The following PPP1R9A variants were observed in gnomAD, a reference collection of about 807,000 sequenced individuals.
PPP1R9A encodes the protein neurabin-1.
In PPP1R9A, 59 loss-of-function variants were observed where a neutral mutation model predicts 141.9. The ratio of observed to expected loss-of-function variants is 0.42; its 90% CI spans 0.34 to 0.52. The LOEUF (loss-of-function observed/expected upper bound fraction) is 0.52, where lower values mean the gene tolerates loss of function less well. PPP1R9A is among the 20% of genes least tolerant of loss of function. The pLI is 0.10. For synonymous variants in PPP1R9A, 500 were observed against 569.7 expected (o/e 0.88, Z 1.74); for missense variants, 1,444 against 1,611.9 (o/e 0.90, Z 1.78).
At chr7:95,277,815 A>C (rs1022852598) in intron 16 of PPP1R9A, among the ~76,000 whole-genome samples, 1 of 152,260 alleles carries the variant, frequency 6.6e-6, no homozygotes, top group African/African-American at 2.4e-5. Context: ...TAAAATGTAT[A>C]CCAAAGGGTA....
chr7:95,027,513 A>G (rs1386390313), intron 2 of PPP1R9A, among the ~76,000 whole-genome samples: 1 of 152,190 alleles, frequency 6.6e-6, no homozygotes, highest in African/African-American at 2.4e-5. Flanking sequence ...GCTGCAGACC[A>G]TAGCTGTTCC....
intron 2 of PPP1R9A, among the ~76,000 whole-genome samples, chr7:94,970,364 T>C (rs988831046): frequency 3.9e-5 from 6 of 152,132 alleles, no homozygotes; most frequent in Non-Finnish European, 5.9e-5. Context: ...CGTTCCTCAC[T>C]CCACAGTCCC....
At chr7:95,217,805 T>C (rs1381028026) in intron 7 of PPP1R9A, among the ~76,000 whole-genome samples, 1 of 152,332 alleles carries the variant, frequency 6.6e-6, no homozygotes, top group East Asian at 1.9e-4. Context: ...TTCTGTGGGA[T>C]CAGTGGTGAT....
chr7:95,179,561 A>T (rs941570082), intron 5 of PPP1R9A, among the ~76,000 whole-genome samples: 1 of 152,106 alleles, frequency 6.6e-6, no homozygotes, highest in African/African-American at 2.4e-5. Flanking sequence ...ATCCAAATCC[A>T]TAAAGAGGAA....
At chr7:95,159,197 A>T (rs1830074350) in intron 4 of PPP1R9A, among the ~76,000 whole-genome samples, 1 of 152,230 alleles carries the variant, frequency 6.6e-6, no homozygotes, top group Non-Finnish European at 1.5e-5. Context: ...AGATGATACT[A>T]TATAGTTGTT....
At chr7:94,960,170 T>TC (rs5885895) in intron 2 of PPP1R9A, among the ~76,000 whole-genome samples, 1,854 of 134,540 alleles carry the variant, frequency 0.014, 40 homozygotes, top group African/African-American at 0.053. Flanking sequence ...TCTCTCTCTC[T>TC]TTTTTTTTTT....
In PPP1R9A at chr7:95,286,415, A is replaced by G. The variant is rs1338185833; in HGVS notation, c.3729+90A>G. On this transcript the variant is annotated intron_variant, in intron 18 of 19. Coordinates refer to ENST00000433360, the MANE Select transcript of PPP1R9A (RefSeq NM_001166160.2). ...CCAGGAAAATGTTTTTAGGGTAGATATTGCATAGAAATCATCAGGACTGTG... is the reference window on the plus strand; with the variant it reads ...CCAGGAAAATGTTTTTAGGGTAGATGTTGCATAGAAATCATCAGGACTGTG... 9.7e-6 allele frequency: 15 copies of G among 1,545,036 alleles called. No individual in the cohort carries two copies. The East Asian group carries it at 3.4e-4, about 35-fold the overall frequency.
chr7:94,926,775 A>G (rs962447299), intron 2 of PPP1R9A, among the ~76,000 whole-genome samples: 38 of 152,122 alleles, frequency 2.5e-4, no homozygotes, highest in Middle Eastern at 3.4e-3. Flanking sequence ...TTTTAATTCC[A>G]TAGCTAAGTT....
chr7:95,194,188 G>A (rs1835904904), intron 5 of PPP1R9A, among the ~76,000 whole-genome samples: 1 of 151,938 alleles, frequency 6.6e-6, no homozygotes, highest in African/African-American at 2.4e-5. Flanking sequence ...GAATTGCTTT[G>A]TATTTGTATC....
At chr7:95,171,046 CATAA>C (rs1832032818) in intron 5 of PPP1R9A, among the ~76,000 whole-genome samples, 2 of 151,194 alleles carry the variant, frequency 1.3e-5, no homozygotes, top group Non-Finnish European at 3.0e-5. Context: ...TGCTATAAGA[CATAA>C]ATAAACACTG....
chr7:95,052,575 G>A (rs553266852), intron 2 of PPP1R9A, among the ~76,000 whole-genome samples: 64 of 152,128 alleles, frequency 4.2e-4, no homozygotes, highest in Non-Finnish European at 6.9e-4. Flanking sequence ...TGAATTGTAG[G>A]CATTTTAATT....
In PPP1R9A at chr7:95,238,225, C is replaced by T. The variant is rs147304572; in HGVS notation, c.2113-9248C>T. Among the ~76,000 whole-genome samples, 1,360 of 152,260 alleles carry T rather than the reference C, an allele frequency of 8.9e-3. 76 individuals carry two copies. The highest frequency in any genetic ancestry group is 0.082 in the Admixed American group (1,249 of 15,264). ...AATAATTAGTTCCAGCTCACCTATA[C>T]TTCTTTCTGTCCAACTGTAATGGGA... On this transcript the variant is annotated intron_variant, in intron 8 of 19. Coordinates refer to ENST00000433360, the MANE Select transcript of PPP1R9A (RefSeq NM_001166160.2).
chr7:95,148,635 G>C (rs1828072015), intron 4 of PPP1R9A, among the ~76,000 whole-genome samples: 2 of 150,622 alleles, frequency 1.3e-5, no homozygotes, highest in South Asian at 4.2e-4. Flanking sequence ...CTTGAAGCCA[G>C]GAGTTTATTG....
intron 2 of PPP1R9A, among the ~76,000 whole-genome samples, chr7:94,974,128 T>C (rs1799168018): frequency 6.6e-6 from 1 of 152,152 alleles, no homozygotes; most frequent in African/African-American, 2.4e-5. Context: ...GGATGTGATA[T>C]TGGATGAACT....
chr7:94,963,653 T>G (rs1353668307), intron 2 of PPP1R9A, among the ~76,000 whole-genome samples: 1 of 152,208 alleles, frequency 6.6e-6, no homozygotes, highest in African/African-American at 2.4e-5. Flanking sequence ...ATTCATTGCA[T>G]GGATATACAT....
chr7:94,946,828 G>T (rs952421671), intron 2 of PPP1R9A, among the ~76,000 whole-genome samples: 12 of 152,034 alleles, frequency 7.9e-5, no homozygotes, highest in African/African-American at 2.7e-4. Context: ...GCAAGGTAAG[G>T]GCAAGATGTC....
chr7:95,022,267 CTGTT>C (rs1285447561), intron 2 of PPP1R9A, among the ~76,000 whole-genome samples: 1 of 152,114 alleles, frequency 6.6e-6, no homozygotes, highest in Admixed American at 6.6e-5. Context: ...ACTTGCCTCT[CTGTT>C]TGTCTATTAT....
At chr7:95,148,128 A>G (rs1046178614) in intron 4 of PPP1R9A, among the ~76,000 whole-genome samples, 16 of 152,160 alleles carry the variant, frequency 1.1e-4, no homozygotes, top group African/African-American at 3.6e-4. Flanking sequence ...CAGCTATCTA[A>G]GCATCTTCAT....
chr7:94,960,528 AG>A (rs1287199646), intron 2 of PPP1R9A, among the ~76,000 whole-genome samples: 2 of 151,720 alleles, frequency 1.3e-5, no homozygotes, highest in African/African-American at 4.8e-5. Flanking sequence ...TTTTGAAAGT[AG>A]GGGTAGAAAA....
Sources: gnomAD v4.1 joint callset for allele counts (sites outside exome capture counted in the v4.1 genomes callset) on GRCh38, gnomAD v4.1.1 for gene constraint, MANE v1.5 for transcripts, NCBI Gene and HGNC (gene_info 2026-07-23, HGNC 2026-07-21) for gene names.